The following PLEKHA7 variants were observed in gnomAD, a reference collection of about 807,000 sequenced individuals.
PLEKHA7 encodes the protein pleckstrin homology domain containing A7.
Under a neutral mutation model 170.0 loss-of-function variants are expected in PLEKHA7, and 104 were observed. That is an observed-to-expected ratio of 0.61 (90% CI 0.52 to 0.72). PLEKHA7 has a LOEUF of 0.72. Ranked by LOEUF, PLEKHA7 falls within the 30% of genes least tolerant of loss-of-function variation. The pLI is 0.00. For missense variants in PLEKHA7, 1,615 were observed against 1,671.7 expected (o/e 0.97, Z 0.59); for synonymous variants, 648 against 660.8 (o/e 0.98, Z 0.30).
At position 16,872,120 on chromosome 11, in the gene PLEKHA7, T is replaced by A. The variant is rs575923804; in HGVS notation, c.222-938A>T. 1.2e-4 allele frequency among the ~76,000 whole-genome samples: 18 copies of A among 151,916 alleles called. No homozygotes were observed. The South Asian group carries it at 3.7e-3, about 32-fold the overall frequency. On this transcript the variant is annotated intron_variant, in intron 3 of 26. Coordinates refer to ENST00000531066, the MANE Select transcript of PLEKHA7 (RefSeq NM_001329630.2). ...AGTAGCTGGAATTACAGTTGTGCAC[T>A]ACCACGCCCGGCTTATTTTTGTATT...
chr11:16,966,290 ATGTGTGTGTGTGTGTGTGTGTG>A (rs112176840), intron 3 of PLEKHA7, among the ~76,000 whole-genome samples: 1 of 149,026 alleles, frequency 6.7e-6, no homozygotes, highest in Non-Finnish European at 1.5e-5. Flanking sequence ...TTGTGCATGT[ATGTGTGTGTGTGTGTGTGTGTG>A]TGTGTGTGTG....
At chr11:16,996,911 G>C (rs1306881720) in intron 3 of PLEKHA7, among the ~76,000 whole-genome samples, 1 of 152,048 alleles carries the variant, frequency 6.6e-6, no homozygotes, top group Non-Finnish European at 1.5e-5. Flanking sequence ...ACTCCAGCCT[G>C]GGTGACACAG....
intron 3 of PLEKHA7, among the ~76,000 whole-genome samples, chr11:16,934,867 A>T (rs920696944): frequency 6.6e-6 from 1 of 152,176 alleles, no homozygotes; most frequent in Non-Finnish European, 1.5e-5. Flanking sequence ...AATACTTTGA[A>T]ATTTTTATCT....
In PLEKHA7 at chr11:16,931,755, T is replaced by TC. The variant is rs11318824; in HGVS notation, c.222-60574dup. Among the ~76,000 whole-genome samples, 387 of 124,578 alleles carry TC rather than the reference T, an allele frequency of 3.1e-3. 3 individuals carry two copies. The highest frequency in any genetic ancestry group is 0.012 in the African/African-American group (364 of 29,436). 81.7% of individuals were successfully genotyped at this position (124,578 alleles called of 152,430 possible). ...GGGGCACAGAGTGAATGAGATTCCA[T>TC]CCCCCCCCCCCCAAAAAAAAAAAAG... On this transcript the variant is annotated intron_variant, in intron 3 of 26. Transcript: ENST00000531066.
At chr11:16,959,537 G>A (rs1395592206) in intron 3 of PLEKHA7, among the ~76,000 whole-genome samples, 3 of 152,176 alleles carry the variant, frequency 2.0e-5, no homozygotes, top group African/African-American at 7.2e-5. Context: ...TGATGTGTGA[G>A]AGGCCAGGCC....
At position 16,792,081 on chromosome 11, in the gene PLEKHA7, G is replaced by C. The variant is rs575838810; in HGVS notation, c.2746-882C>G. On this transcript the variant is annotated intron_variant, in intron 19 of 26. Coordinates refer to ENST00000531066, the MANE Select transcript of PLEKHA7 (RefSeq NM_001329630.2). ...CAGGAAAGAGCACTCCAAAGCAAAG[G>C]TTTATCAACAATCTTCACTGATGTG... Among the ~76,000 whole-genome samples, 30 of 152,258 alleles carry C rather than the reference G, an allele frequency of 2.0e-4. No homozygotes were observed. In the South Asian group the frequency reaches 6.2e-3, roughly 32 times the overall value.
intron 3 of PLEKHA7, among the ~76,000 whole-genome samples, chr11:16,889,420 A>AAAAAAAATAT (rs61086849): frequency 5.5e-4 from 41 of 74,652 alleles, no homozygotes; most frequent in Admixed American, 7.5e-4. Flanking sequence ...AAAAAAAAAA[A>AAAAAAAATAT]ATATATATAT....
At chr11:16,981,237 C>T (rs776598116) in intron 3 of PLEKHA7, among the ~76,000 whole-genome samples, 5 of 152,198 alleles carry the variant, frequency 3.3e-5, no homozygotes, top group Non-Finnish European at 5.9e-5. Flanking sequence ...GTGTTTACTA[C>T]ATGCAGGTAT....
At chr11:16,793,572 C>G (rs555334991) in intron 19 of PLEKHA7, among the ~76,000 whole-genome samples, 2 of 152,366 alleles carry the variant, frequency 1.3e-5, no homozygotes, top group African/African-American at 4.8e-5. Flanking sequence ...CTCCTCCAAG[C>G]CTTTGTTGGC....
intron 3 of PLEKHA7, among the ~76,000 whole-genome samples, chr11:16,947,008 T>C (rs1162168290): frequency 1.3e-5 from 2 of 152,172 alleles, no homozygotes; most frequent in African/African-American, 4.8e-5. Flanking sequence ...AAAACGCAGC[T>C]GCGCCAGCAC....
intron 3 of PLEKHA7, among the ~76,000 whole-genome samples, chr11:16,950,688 C>T (rs1861352662): frequency 6.6e-6 from 1 of 152,174 alleles, no homozygotes; most frequent in Middle Eastern, 3.2e-3. Context: ...CCTCCACCTG[C>T]CCATTCCCTC....
At chr11:16,947,226 C>G (rs1034078134) in intron 3 of PLEKHA7, among the ~76,000 whole-genome samples, 2 of 152,176 alleles carry the variant, frequency 1.3e-5, no homozygotes, top group African/African-American at 4.8e-5. Context: ...AAAAGGGAAC[C>G]TTGTACACTG....
intron 8 of PLEKHA7, 32 bp downstream of exon 8, chr11:16,851,159 G>T: frequency 6.7e-7 from 1 of 1,503,100 alleles, no homozygotes; most frequent in Non-Finnish European, 9.0e-7. Flanking sequence ...TTCTTAGACA[G>T]AATGGCTGCA....
chr11:16,852,872 G>C (rs1053843864), intron 6 of PLEKHA7, among the ~76,000 whole-genome samples: 1 of 152,118 alleles, frequency 6.6e-6, no homozygotes, highest in African/African-American at 2.4e-5. Context: ...AAAGAATTTG[G>C]ATTCTCTTTG....
At position 16,805,596 on chromosome 11, in the gene PLEKHA7, T is replaced by C. The variant is rs78901752; in HGVS notation, c.2008-2301A>G. On this transcript the variant is annotated intron_variant, in intron 13 of 26. Transcript: ENST00000531066. ...TATGAGGTCAGGAGTTCAAGATCAG[T>C]CTGGCCAACATGGTGAAACCCCATC... Among the ~76,000 whole-genome samples, 852 of 151,706 alleles carry C rather than the reference T, an allele frequency of 5.6e-3. 5 individuals are homozygous for C. The highest frequency in any genetic ancestry group is 0.027 in the Middle Eastern group (8 of 294).
chr11:16,876,502 C>A (rs1325650355), intron 3 of PLEKHA7, among the ~76,000 whole-genome samples: 2 of 152,206 alleles, frequency 1.3e-5, no homozygotes, highest in Non-Finnish European at 2.9e-5. Context: ...GGAACATGGA[C>A]AGAAGATGGC....
intron 15 of PLEKHA7, among the ~76,000 whole-genome samples, chr11:16,802,325 G>C (rs919020119): frequency 2.0e-5 from 3 of 152,168 alleles, no homozygotes; most frequent in African/African-American, 7.2e-5. Context: ...GGAGCTTTAG[G>C]AAGCAAAGGC....
intron 8 of PLEKHA7, among the ~76,000 whole-genome samples, chr11:16,847,598 G>A (rs573022086): frequency 1.6e-4 from 24 of 152,192 alleles, no homozygotes; most frequent in Admixed American, 1.5e-3. Context: ...GGGAGGCCAA[G>A]ACAGGTGGAT....
chr11:16,789,801 C>T lies in PLEKHA7; in HGVS notation c.3130G>A (p.Ala1044Thr). The T allele has an allele frequency of 6.2e-7, 1 of 1,614,104 alleles. No individual in the cohort carries two copies. Among genetic ancestry groups the T allele is most frequent in the Non-Finnish European group, 8.5e-7 (1 of 1,179,984 alleles). The change falls in exon 22 of 27, where the codon GCC (alanine) becomes ACC (threonine). Residue 1044 changes from alanine to threonine, a missense_variant. Physicochemically the swap from Ala to Thr is moderately conservative, Grantham distance 58. Transcript: ENST00000531066. This position sits in a 1 kb window ranked among gnomAD's most constrained non-coding sequence, Gnocchi z 4.6. ...PYVTLRRGLNAESSKATFPRP... is the reference protein window; with the variant it reads ...PYVTLRRGLNTESSKATFPRP... ...GGGAAGGTCGCCTTGCTGCTTTCGG[C>T]ATTGAGACCCCTCCGGAGTGTGACG...
Sources: allele counts gnomAD v4.1 joint callset (sites outside exome capture counted in the v4.1 genomes callset), GRCh38; gene constraint gnomAD v4.1.1; non-coding constraint Gnocchi (gnomAD v3.1); transcripts MANE v1.5; gene names NCBI Gene and HGNC (gene_info 2026-07-23, HGNC 2026-07-21).